The following PTPRN2 variants were observed in gnomAD, a reference collection of about 807,000 sequenced individuals.
PTPRN2 encodes protein tyrosine phosphatase receptor type N2.
Under a neutral mutation model 118.8 loss-of-function variants are expected in PTPRN2, and 74 were observed. The observed-to-expected ratio is 0.62, with a 90% CI of 0.52 to 0.76. PTPRN2 has a LOEUF of 0.76. PTPRN2 is among the 30% of genes least tolerant of loss of function. PTPRN2 has a pLI of 0.00. For synonymous variants in PTPRN2, 641 were observed against 608.0 expected, an observed-to-expected ratio of 1.05 and a Z score of -0.80; for missense variants, 1,481 against 1,394.4, an observed-to-expected ratio of 1.06 and a Z score of -0.99.
intron 12 of PTPRN2, among the ~76,000 whole-genome samples, chr7:157,855,076 A>C (rs112135966): frequency 1.6e-4 from 19 of 115,974 alleles, no homozygotes; most frequent in African/African-American, 6.2e-4. Context: ...ATCGGGGAGG[A>C]TGGCTGTGCC....
At chr7:158,471,709 C>A (rs189015665) in intron 2 of PTPRN2, among the ~76,000 whole-genome samples, 73 of 147,262 alleles carry the variant, frequency 5.0e-4, no homozygotes, top group Admixed American at 2.5e-3. Flanking sequence ...AACAAACAAA[C>A]AAAAAAAAAA....
rs1015390575 is a variant in PTPRN2 at position 157,571,073 on chromosome 7, G to A, written c.2837+367C>T. On this transcript the variant is annotated intron_variant, in intron 20 of 22. Transcript: ENST00000389418. ...CAGCCTGACCAAATGGTGAAACCTC[G>A]TCTCTACTAAAAATACAAAAAAAAT... 3.9e-5 allele frequency among the ~76,000 whole-genome samples: 6 copies of A among 151,984 alleles called. No individual in the cohort carries two copies. In the East Asian group the frequency reaches 9.6e-4, roughly 24 times the overall value.
intron 3 of PTPRN2, among the ~76,000 whole-genome samples, chr7:158,280,211 A>G (rs896767): frequency 0.66 from 100,357 of 152,142 alleles, 34,364 homozygotes; most frequent in South Asian, 0.84. Context: ...CACAGCCTTC[A>G]AGCACATCTG....
At position 157,587,189 on chromosome 7, in the gene PTPRN2, GAC is replaced by G. The variant is rs779293661; in HGVS notation, c.2496+8047_2496+8048del. The stretch of plus-strand genomic sequence containing the variant: ...CAGACAGACAAGACAGGCAGATAGA[GAC>G]AAGACAGGCAGGCAGACAGAGACAA... On this transcript the variant is annotated intron_variant, in intron 17 of 22. Coordinates refer to ENST00000389418, the MANE Select transcript of PTPRN2 (RefSeq NM_002847.5). This position sits in a 1 kb window ranked among gnomAD's most constrained non-coding sequence, Gnocchi z 5.3. Among the ~76,000 whole-genome samples the G allele has an allele frequency of 8.0e-5, 12 of 149,322 alleles. No homozygotes were observed. Among genetic ancestry groups the G allele is most frequent in the Non-Finnish European group, 1.2e-4 (8 of 67,090 alleles).
chr7:158,344,167 G>T (rs538335920), intron 2 of PTPRN2, among the ~76,000 whole-genome samples: 1 of 152,224 alleles, frequency 6.6e-6, no homozygotes, highest in East Asian at 1.9e-4. Flanking sequence ...GCAGCAAAGC[G>T]CAGGGCCTCA....
In PTPRN2 at chr7:157,615,630, T is replaced by G. The variant is rs1333336496; in HGVS notation, c.2344+5732A>C. ...GGGAGGATTGGCTCAGCACTGGTCC[T>G]GCGGAATGTGTTTTTATCAATGACT... is the stretch of plus-strand genomic sequence containing the variant. On this transcript the variant is annotated intron_variant, in intron 15 of 22. Transcript: ENST00000389418. The surrounding 1 kb of genome is among the most constrained non-coding windows in gnomAD (Gnocchi z 4.3). The G allele has an allele frequency of 2.1e-6, 1 of 469,660 alleles. No individual in the cohort carries two copies. The highest frequency in any genetic ancestry group is 7.0e-5 in the East Asian group (1 of 14,306). The allele number at this position is 469,660 out of a possible 1,614,324, so 29.1% of individuals were successfully genotyped here. A position where few individuals can be genotyped will look rare whatever the true frequency, so the allele number is the denominator to read the frequency against.
chr7:157,877,189 G>C (rs1047983971), intron 12 of PTPRN2, among the ~76,000 whole-genome samples: 21 of 149,622 alleles, frequency 1.4e-4, no homozygotes, highest in African/African-American at 5.2e-4. Context: ...GGGTTTCCTC[G>C]GGGACCCCGG....
In PTPRN2 at chr7:158,136,101, C is replaced by T. The variant is rs147824728; in HGVS notation, c.1173+554G>A. Among the ~76,000 whole-genome samples the T allele has an allele frequency of 5.2e-4, 79 of 152,376 alleles. No individual in the cohort carries two copies. In the East Asian group the frequency reaches 8.5e-3, roughly 16 times the overall value. Reference sequence around the variant, plus strand: ...CCACGGGGGCTCTGGGATGGTGGACCGTCCTCTTCCTGTGGCATCCAGCGC... The same window carrying T: ...CCACGGGGGCTCTGGGATGGTGGACTGTCCTCTTCCTGTGGCATCCAGCGC... On this transcript the variant is annotated intron_variant, in intron 8 of 22. Transcript: ENST00000389418.
chr7:158,372,358 AC>A (rs1810105789), intron 2 of PTPRN2, among the ~76,000 whole-genome samples: 1 of 69,158 alleles, frequency 1.4e-5, no homozygotes, highest in South Asian at 4.4e-4. Context: ...GGAGCTGGAC[AC>A]CCCCAGGCTG....
At chr7:158,217,751 C>G (rs1828052065) in intron 3 of PTPRN2, among the ~76,000 whole-genome samples, 1 of 152,178 alleles carries the variant, frequency 6.6e-6, no homozygotes, top group Non-Finnish European at 1.5e-5. Context: ...AATAACCAAA[C>G]TGAACTTCTG....
At chr7:158,120,627 G>A (rs1050777167) in intron 9 of PTPRN2, among the ~76,000 whole-genome samples, 9 of 152,184 alleles carry the variant, frequency 5.9e-5, no homozygotes. Flanking sequence ...TTTTACAATT[G>A]AGAAACAAGC....
At chr7:158,261,151 G>A (rs1020012458) in intron 3 of PTPRN2, among the ~76,000 whole-genome samples, 4 of 152,150 alleles carry the variant, frequency 2.6e-5, no homozygotes, top group African/African-American at 9.7e-5. Flanking sequence ...CTTTCCCAGC[G>A]CACCCCAGGA....
intron 3 of PTPRN2, among the ~76,000 whole-genome samples, chr7:158,298,007 T>C (rs1307398455): frequency 6.6e-6 from 1 of 152,240 alleles, no homozygotes; most frequent in Non-Finnish European, 1.5e-5. Flanking sequence ...TTTTCAAATT[T>C]CTTAGAACAA....
chr7:157,876,190 G>C (rs1250527558), intron 12 of PTPRN2, among the ~76,000 whole-genome samples: 1 of 152,210 alleles, frequency 6.6e-6, no homozygotes, highest in African/African-American at 2.4e-5. Context: ...CTGGGTGCCC[G>C]AGTGGGCTCA....
intron 2 of PTPRN2, among the ~76,000 whole-genome samples, chr7:158,330,062 C>T (rs1438935352): frequency 4.8e-5 from 6 of 124,520 alleles, no homozygotes; most frequent in African/African-American, 8.8e-5. Flanking sequence ...CACACCCACA[C>T]TCTCACCATA....
At chr7:158,071,747 CATG>C (rs1811824237) in intron 11 of PTPRN2, among the ~76,000 whole-genome samples, 12 of 74,818 alleles carry the variant, frequency 1.6e-4, no homozygotes, top group African/African-American at 8.4e-4. Flanking sequence ...TGGAGGTGCT[CATG>C]GTGGAGGTGC....
intron 1 of PTPRN2, among the ~76,000 whole-genome samples, chr7:158,521,416 T>A (rs976592493): frequency 2.6e-5 from 4 of 152,236 alleles, no homozygotes; most frequent in African/African-American, 9.6e-5. Context: ...TCTCCCTGCA[T>A]CTAAATTTAA....
At chr7:158,090,715 C>T (rs954320051) in intron 10 of PTPRN2, among the ~76,000 whole-genome samples, 7 of 152,194 alleles carry the variant, frequency 4.6e-5, no homozygotes, top group Non-Finnish European at 1.0e-4. Context: ...ATCAACCAGA[C>T]TGTTGAGTGT....
chr7:157,959,371 C>T (rs1400829558), intron 11 of PTPRN2, among the ~76,000 whole-genome samples: 1 of 152,174 alleles, frequency 6.6e-6, no homozygotes, highest in Admixed American at 6.5e-5. Context: ...CTTTATTGCA[C>T]TTTATCAAAA....
Sources: allele counts gnomAD v4.1 joint callset (sites outside exome capture counted in the v4.1 genomes callset), GRCh38; gene constraint gnomAD v4.1.1; non-coding constraint Gnocchi (gnomAD v3.1); transcripts MANE v1.5; gene names NCBI Gene and HGNC (gene_info 2026-07-23, HGNC 2026-07-21).